Variants in PDE1C observed in about 807,000 individuals in gnomAD.
PDE1C encodes phosphodiesterase 1C.
In PDE1C, 62 loss-of-function variants were observed where a neutral mutation model predicts 93.1. The ratio of observed to expected loss-of-function variants is 0.67; its 90% confidence interval spans 0.54 to 0.82. The LOEUF (loss-of-function observed/expected upper bound fraction) is 0.82, where lower values mean the gene tolerates loss of function less well. PDE1C is among the 40% of genes least tolerant of loss of function. The pLI is 0.00. For synonymous variants in PDE1C, 325 were observed against 310.1 expected, an observed-to-expected ratio of 1.05 and a Z score of -0.50; for missense variants, 742 against 884.6, an observed-to-expected ratio of 0.84 and a Z score of 2.04.
intron 16 of PDE1C, among the ~76,000 whole-genome samples, chr7:31,801,083 T>G (rs922031065): frequency 4.7e-5 from 7 of 150,494 alleles, no homozygotes; most frequent in African/African-American, 1.7e-4. Flanking sequence ...ACTTTCACCT[T>G]AAGAAACTAT....
rs182484135 is a variant in PDE1C, at chr7:32,185,230, A to G, written c.137-15274T>C. Among the ~76,000 whole-genome samples the G allele has an allele frequency of 1.3e-3, 191 of 148,882 alleles. 2 individuals carry two copies. The highest frequency in any genetic ancestry group is 4.5e-3 in the African/African-American group (183 of 40,486). ...ATTGCACTCCAGCCTGGGCAACAAG[A>G]GCAAAACTCTGTCTCAGAAAAAAAA... On this transcript the variant is annotated intron_variant, in intron 2 of 18. Coordinates refer to the PDE1C transcript ENST00000396193.
intron 2 of PDE1C, among the ~76,000 whole-genome samples, chr7:32,183,639 C>A (rs866598411): frequency 6.6e-6 from 1 of 152,112 alleles, no homozygotes; most frequent in Non-Finnish European, 1.5e-5. Flanking sequence ...ACACCTTATA[C>A]AAAAATTAAT....
the PDE1C span, among the ~76,000 whole-genome samples, chr7:31,736,735 A>G: frequency 6.6e-6 from 1 of 152,156 alleles, no homozygotes; most frequent in African/African-American, 2.4e-5. Context: ...ACAGATAAAA[A>G]TGTTATAGAG....
intron 16 of PDE1C, among the ~76,000 whole-genome samples, chr7:31,802,149 T>TA (rs1400036912): frequency 6.6e-6 from 1 of 151,612 alleles, no homozygotes; most frequent in Non-Finnish European, 1.5e-5. Flanking sequence ...GTTCCCTTCT[T>TA]ACTCTTTTTC....
chr7:31,980,024 G>T (rs1380003049), intron 2 of PDE1C, among the ~76,000 whole-genome samples: 1 of 152,194 alleles, frequency 6.6e-6, no homozygotes, highest in Non-Finnish European at 1.5e-5. Flanking sequence ...GGCTCCTTTA[G>T]CATAAAGTAG....
chr7:31,738,225 A>G, the PDE1C span, among the ~76,000 whole-genome samples: 1 of 152,194 alleles, frequency 6.6e-6, no homozygotes, highest in East Asian at 1.9e-4. Flanking sequence ...ATCAGGGTGT[A>G]TCAGTCTGTT....
the PDE1C span, among the ~76,000 whole-genome samples, chr7:31,718,736 G>A: frequency 6.6e-6 from 1 of 152,288 alleles, no homozygotes; most frequent in East Asian, 1.9e-4. Flanking sequence ...TCCAAAAGGT[G>A]GGAACTCAGG....
chr7:31,846,293 T>C (rs141811328), intron 9 of PDE1C, among the ~76,000 whole-genome samples: 6 of 149,314 alleles, frequency 4.0e-5, no homozygotes, highest in Non-Finnish European at 5.9e-5. Context: ...TTCTGTCCAA[T>C]GGAATAGAAC....
At chr7:32,028,045 T>C (rs1198059195) in intron 2 of PDE1C, among the ~76,000 whole-genome samples, 1 of 152,148 alleles carries the variant, frequency 6.6e-6, no homozygotes, top group Non-Finnish European at 1.5e-5. Flanking sequence ...TTCCTCCTGA[T>C]TGACAGCTAG....
At chr7:31,926,090 A>G (rs921559657) in intron 2 of PDE1C, among the ~76,000 whole-genome samples, 2 of 152,148 alleles carry the variant, frequency 1.3e-5, no homozygotes, top group Non-Finnish European at 1.5e-5. Flanking sequence ...TATATTCACA[A>G]TGGATGGATA....
intron 2 of PDE1C, among the ~76,000 whole-genome samples, chr7:31,985,384 GAA>G (rs140995619): frequency 0.036 from 5,524 of 152,002 alleles, 358 homozygotes; most frequent in African/African-American, 0.13. Flanking sequence ...TTATCTCCAA[GAA>G]AAAAGAGAAT....
At chr7:32,125,617 A>C (rs995616117) in intron 3 of PDE1C, among the ~76,000 whole-genome samples, 2 of 152,144 alleles carry the variant, frequency 1.3e-5, no homozygotes, top group African/African-American at 2.4e-5. Context: ...CTAACACAGG[A>C]ACAGAAAACC....
At chr7:32,379,306 T>C (rs1406131885) in intron 1 of PDE1C, among the ~76,000 whole-genome samples, 1 of 152,222 alleles carries the variant, frequency 6.6e-6, no homozygotes, top group African/African-American at 2.4e-5. Flanking sequence ...TTTGCAAGGT[T>C]ATAAACCATA....
At chr7:31,804,098 C>T (rs1350529044) in intron 16 of PDE1C, among the ~76,000 whole-genome samples, 1 of 151,750 alleles carries the variant, frequency 6.6e-6, no homozygotes, top group Non-Finnish European at 1.5e-5. Flanking sequence ...TTGTGAATTT[C>T]ACCTTGTTGG....
At chr7:32,404,472 G>T (rs1785012167) in intron 1 of PDE1C, among the ~76,000 whole-genome samples, 1 of 98,412 alleles carries the variant, frequency 1.0e-5, no homozygotes, top group African/African-American at 3.0e-5. Context: ...TCCTGCCTCT[G>T]CCTCCTGGGT....
chr7:31,768,299 G>A (rs998911709), intron 17 of PDE1C, among the ~76,000 whole-genome samples: 1 of 152,082 alleles, frequency 6.6e-6, no homozygotes, highest in Non-Finnish European at 1.5e-5. Flanking sequence ...GCCAGGCTGC[G>A]GTTGCCACTG....
At chr7:32,049,909 A>G (rs1479768981) in intron 2 of PDE1C, among the ~76,000 whole-genome samples, 1 of 152,232 alleles carries the variant, frequency 6.6e-6, no homozygotes, top group East Asian at 1.9e-4. Flanking sequence ...CTTAGGCAAT[A>G]TTGACATTGT....
intron 2 of PDE1C, among the ~76,000 whole-genome samples, chr7:31,906,926 G>T (rs1800663616): frequency 6.6e-6 from 1 of 152,156 alleles, no homozygotes; most frequent in Non-Finnish European, 1.5e-5. Flanking sequence ...GCTGCTATGT[G>T]TGCACGAATG....
intron 3 of PDE1C, among the ~76,000 whole-genome samples, chr7:32,112,832 GTGTGTGTGTGTGTGTATATATATATATA>G (rs2128757182): frequency 1.7e-5 from 1 of 57,828 alleles, no homozygotes; most frequent in African/African-American, 9.5e-5. Flanking sequence ...GTGTGTGTGT[GTGTGTGTGTGTGTGTATATATATATATA>G]TATATATATA....
Sources: gnomAD v4.1 joint callset for allele counts (sites outside exome capture counted in the v4.1 genomes callset) on GRCh38, gnomAD v4.1.1 for gene constraint, MANE v1.5 for transcripts, NCBI Gene and HGNC (gene_info 2026-07-23, HGNC 2026-07-21) for gene names.